CREB5: variants seen among roughly 807,000 people sequenced by gnomAD.
CREB5 encodes cAMP responsive element binding protein 5, also known as cyclic AMP-responsive element-binding protein 5.
A neutral mutation model predicts 57.1 loss-of-function variants in CREB5; 19 were observed. The observed-to-expected ratio is 0.33, with a 90% CI of 0.23 to 0.49. CREB5 has a LOEUF of 0.49. Ranked by LOEUF, CREB5 falls within the 20% of genes least tolerant of loss-of-function variation. The probability of loss-of-function intolerance (pLI) is 0.99; values close to 1 mark genes in which losing one functional copy is unlikely to be tolerated. For synonymous variants in CREB5, 238 were observed against 238.3 expected (o/e 1.00, Z 0.01); for missense variants, 579 against 671.6 (o/e 0.86, Z 1.52).
intron 4 of CREB5, among the ~76,000 whole-genome samples, chr7:28,523,380 C>T (rs369903536): frequency 5.4e-4 from 82 of 152,292 alleles, no homozygotes; most frequent in African/African-American, 1.9e-3. Context: ...AATCGAAAAA[C>T]GTTTATTGAG....
At chr7:28,788,656 A>G (rs936263416) in intron 7 of CREB5, among the ~76,000 whole-genome samples, 2 of 152,204 alleles carry the variant, frequency 1.3e-5, no homozygotes, top group Non-Finnish European at 2.9e-5. Flanking sequence ...CCAAAACACC[A>G]GAGAAGTGCA....
chr7:28,506,085 G>T (rs2128605974), intron 3 of CREB5, among the ~76,000 whole-genome samples: 2 of 152,302 alleles, frequency 1.3e-5, no homozygotes, highest in Middle Eastern at 3.4e-3. Flanking sequence ...TGGGGATTTT[G>T]CTGCATGGAA....
intron 5 of CREB5, among the ~76,000 whole-genome samples, chr7:28,683,231 G>C (rs1800689827): frequency 6.6e-6 from 1 of 152,172 alleles, no homozygotes; most frequent in South Asian, 2.1e-4. Context: ...TCTTGAGTCA[G>C]AGGGGCATTT....
intron 4 of CREB5, among the ~76,000 whole-genome samples, chr7:28,532,624 G>C (rs1449351096): frequency 6.6e-6 from 1 of 152,078 alleles, no homozygotes; most frequent in East Asian, 1.9e-4. Flanking sequence ...TGTTTTTTAA[G>C]GAAATGGAGA....
At chr7:28,446,049 C>T (rs948511507) in intron 1 of CREB5, among the ~76,000 whole-genome samples, 2 of 152,212 alleles carry the variant, frequency 1.3e-5, no homozygotes, top group African/African-American at 4.8e-5. Flanking sequence ...GCTGGAGCAC[C>T]TTTCCTGAAG....
chr7:28,702,243 G>A (rs1298463920), intron 5 of CREB5, among the ~76,000 whole-genome samples: 1 of 152,174 alleles, frequency 6.6e-6, no homozygotes, highest in African/African-American at 2.4e-5. Flanking sequence ...AAAGTTATAG[G>A]TTTTGATCCT....
At position 28,759,458 on chromosome 7, in the gene CREB5, G is replaced by A. The variant is rs1049668340; in HGVS notation, c.702+35126G>A. On this transcript the variant is annotated intron_variant, in intron 7 of 10. Coordinates refer to ENST00000357727, the MANE Select transcript of CREB5 (RefSeq NM_182898.4). ...CAGAATTTCAATAGCCAGAGCAGAT[G>A]TGCAGTGTTCTTTGTGGGTTTTACA... Among the ~76,000 whole-genome samples, 7 of 152,296 alleles carry A rather than the reference G, an allele frequency of 4.6e-5. No individual in the cohort carries two copies. The East Asian group carries it at 1.4e-3, about 29-fold the overall frequency.
At chr7:28,460,346 T>A (rs1583489661) in intron 1 of CREB5, among the ~76,000 whole-genome samples, 3 of 152,308 alleles carry the variant, frequency 2.0e-5, no homozygotes, top group African/African-American at 7.2e-5. Context: ...GTCATTTTAT[T>A]TAAACTTCAA....
intron 5 of CREB5, among the ~76,000 whole-genome samples, chr7:28,603,509 C>T (rs1411834954): frequency 6.6e-6 from 1 of 152,180 alleles, no homozygotes; most frequent in African/African-American, 2.4e-5. Flanking sequence ...CTTCCTATCT[C>T]AACCAGATGC....
chr7:28,725,949 T>C (rs550278702), intron 7 of CREB5, among the ~76,000 whole-genome samples: 1 of 152,326 alleles, frequency 6.6e-6, no homozygotes, highest in South Asian at 2.1e-4. Context: ...CTCAAAAGTG[T>C]CCTTCTTCTC....
At chr7:28,377,363 T>C (rs578207437) in intron 1 of CREB5, among the ~76,000 whole-genome samples, 1 of 152,230 alleles carries the variant, frequency 6.6e-6, no homozygotes, top group African/African-American at 2.4e-5. Context: ...GTGATAATAT[T>C]TTTGATATAT....
At chr7:28,564,056 A>G (rs10277148) in intron 4 of CREB5, among the ~76,000 whole-genome samples, 38,138 of 152,124 alleles carry the variant, frequency 0.25, 5,008 homozygotes, top group African/African-American at 0.27. Flanking sequence ...CAGAAAGCCT[A>G]GTAGCTTCCA....
intron 7 of CREB5, among the ~76,000 whole-genome samples, chr7:28,780,740 A>G (rs946547015): frequency 6.6e-6 from 1 of 152,086 alleles, no homozygotes; most frequent in Non-Finnish European, 1.5e-5. Flanking sequence ...TCCCTGTACT[A>G]TGAGTCTAGT....
At chr7:28,599,848 T>C (rs1270523671) in intron 5 of CREB5, among the ~76,000 whole-genome samples, 1 of 152,178 alleles carries the variant, frequency 6.6e-6, no homozygotes, top group Non-Finnish European at 1.5e-5. Context: ...GATATGAGAA[T>C]TGTTACACAG....
intron 1 of CREB5, among the ~76,000 whole-genome samples, chr7:28,387,430 T>G (rs1787131847): frequency 1.3e-5 from 2 of 152,204 alleles, no homozygotes; most frequent in Admixed American, 6.5e-5. Context: ...TTGTTTGTTT[T>G]TTTTTCTTGT....
intron 4 of CREB5, among the ~76,000 whole-genome samples, chr7:28,545,060 T>C (rs565423740): frequency 6.6e-6 from 1 of 152,220 alleles, no homozygotes; most frequent in South Asian, 2.1e-4. Flanking sequence ...GTTTTGTCTG[T>C]CACCAGGAAG....
At chr7:28,442,055 CTT>C (rs1379093271) in intron 1 of CREB5, among the ~76,000 whole-genome samples, 1 of 152,024 alleles carries the variant, frequency 6.6e-6, no homozygotes, top group African/African-American at 2.4e-5. Flanking sequence ...CCTCCTAACT[CTT>C]TGTTAACCCA....
intron 1 of CREB5, among the ~76,000 whole-genome samples, chr7:28,334,550 A>G (rs115620948): frequency 6.6e-6 from 1 of 152,152 alleles, no homozygotes; most frequent in Non-Finnish European, 1.5e-5. Context: ...TGGATAATCA[A>G]ATTTTTCCTG....
At chr7:28,794,581 C>T (rs796928802) in intron 7 of CREB5, among the ~76,000 whole-genome samples, 14 of 152,232 alleles carry the variant, frequency 9.2e-5, no homozygotes, top group African/African-American at 2.6e-4. Context: ...AAAGGAACAG[C>T]GGATCTCTAA....
Sources: gnomAD v4.1 joint callset for allele counts (sites outside exome capture counted in the v4.1 genomes callset) on GRCh38, gnomAD v4.1.1 for gene constraint, MANE v1.5 for transcripts, NCBI Gene and HGNC (gene_info 2026-07-23, HGNC 2026-07-21) for gene names.